Variants in ATG4B observed in about 807,000 individuals in gnomAD.
ATG4B encodes cysteine protease ATG4B.
In ATG4B, 29 loss-of-function variants were observed where a neutral mutation model predicts 56.6. That is an observed-to-expected ratio of 0.51 (90% CI 0.38 to 0.70). The LOEUF is 0.70. Among genes scored for constraint, ATG4B ranks in the 30% least tolerant of loss-of-function variants. ATG4B has a pLI of 0.00. For missense variants in ATG4B, 461 were observed against 515.5 expected (o/e 0.89, Z 1.02); for synonymous variants, 224 against 206.1 (o/e 1.09, Z -0.74).
intron 6 of ATG4B, among the ~76,000 whole-genome samples, chr2:241,658,435 C>T (rs1575076164): frequency 6.6e-6 from 1 of 152,146 alleles, no homozygotes; most frequent in Admixed American, 6.5e-5. Flanking sequence ...CTCCACAGGT[C>T]TTGCATTCTG....
At chr2:241,650,117 G>A (rs1298754035) in intron 1 of ATG4B, among the ~76,000 whole-genome samples, 1 of 152,140 alleles carries the variant, frequency 6.6e-6, no homozygotes, top group East Asian at 1.9e-4. Flanking sequence ...AGAGTAAGAT[G>A]GCATGCAGGG....
intron 4 of ATG4B, among the ~76,000 whole-genome samples, chr2:241,653,960 C>T (rs1372936038): frequency 5.7e-5 from 8 of 140,752 alleles, no homozygotes; most frequent in Non-Finnish European, 1.2e-4. Context: ...CACTGCGCTC[C>T]AGCCTCTGCA....
Position 241,668,861 on chromosome 2 carries a change from C to A in ATG4B, c.957+176C>A, listed in dbSNP as rs562585104. The A allele has an allele frequency of 2.3e-6, 2 of 887,570 alleles. No homozygotes were observed. The highest frequency in any genetic ancestry group is 2.7e-5 in the East Asian group (1 of 36,882). The allele number at this position is 887,570 out of a possible 1,614,324, so 55.0% of individuals were successfully genotyped here. Reference sequence around the variant, plus strand: ...CCGGAACTGTGTCCTTGCACCCTCACGTCCCTCCCCCAGGCACCACCTCCT... The same window carrying A: ...CCGGAACTGTGTCCTTGCACCCTCAAGTCCCTCCCCCAGGCACCACCTCCT... On this transcript the variant is annotated intron_variant, in intron 10 of 12. Transcript: ENST00000404914. This position sits in a 1 kb window ranked among gnomAD's most constrained non-coding sequence, Gnocchi z 4.2.
chr2:241,652,106 C>A, intron 3 of ATG4B: 1 of 475,618 alleles, frequency 2.1e-6, no homozygotes, highest in Admixed American at 3.1e-5. Context: ...CATTGGAGAA[C>A]ACTGACGCGT....
At position 241,657,644 on chromosome 2, in the gene ATG4B, C is replaced by A. The variant is rs112459348; in HGVS notation, c.459-1464C>A. 2.0e-3 allele frequency among the ~76,000 whole-genome samples: 308 copies of A among 152,104 alleles called. 1 individual carries two copies. The East Asian group carries it at 0.027, about 13-fold the overall frequency. ...AGTGGGCCCATTCAAAATATCAATT[C>A]CTCTTTCTTTCAGTGGGCCCATTCA... On this transcript the variant is annotated intron_variant, in intron 6 of 12. Coordinates refer to ENST00000404914, the MANE Select transcript of ATG4B (RefSeq NM_013325.5).
At chr2:241,654,419 TAAAAAAA>T (rs201525288) in intron 4 of ATG4B, 120 bp from the exon 5 acceptor site, 7,716 of 438,624 alleles carry the variant, frequency 0.018, 243 homozygotes, top group African/African-American at 0.13. Flanking sequence ...AGACTCTGTT[TAAAAAAA>T]AAAAAAAAAA....
At chr2:241,670,074 G>A (rs897278748) in intron 10 of ATG4B, among the ~76,000 whole-genome samples, 32 of 152,222 alleles carry the variant, frequency 2.1e-4, no homozygotes, top group African/African-American at 7.2e-4. Flanking sequence ...CTACACCAGC[G>A]CCGAGGCGGC....
At chr2:241,648,594 CAAAA>C (rs35764376) in intron 1 of ATG4B, among the ~76,000 whole-genome samples, 1 of 135,456 alleles carries the variant, frequency 7.4e-6, no homozygotes. Flanking sequence ...GTCCCGGTCT[CAAAA>C]AAAAAAAAGA....
Position 241,668,758 on chromosome 2 carries a change from G to C in ATG4B, c.957+73G>C. ...TTTGGGAATGACGAGGAAAACTTTC[G>C]GATTTTTGCGTTTTTTTTTTCAGCA... is the stretch of plus-strand genomic sequence containing the variant. On this transcript the variant is annotated intron_variant, in intron 10 of 12. Transcript: ENST00000404914. The surrounding 1 kb of genome is among the most constrained non-coding windows in gnomAD (Gnocchi z 4.2). 8.0e-6 allele frequency: 12 copies of C among 1,505,290 alleles called. No homozygotes were observed. Among genetic ancestry groups the C allele is most frequent in the Non-Finnish European group, 9.7e-6 (11 of 1,136,068 alleles). The allele number at this position is 1,505,290 out of a possible 1,614,324, so 93.2% of individuals were successfully genotyped here.
At chr2:241,659,468 T>C (rs1385031187) in intron 7 of ATG4B, 2 of 485,330 alleles carry the variant, frequency 4.1e-6, no homozygotes, top group Non-Finnish European at 8.2e-6. Flanking sequence ...ATGAAGGCCC[T>C]GCTGTGCTTA....
At chr2:241,667,397 A>T (rs1206963414) in intron 8 of ATG4B, among the ~76,000 whole-genome samples, 2 of 151,990 alleles carry the variant, frequency 1.3e-5, no homozygotes, top group East Asian at 1.9e-4. Context: ...CGAGGTCAGG[A>T]GTCTGAGACC....
chr2:241,666,314 C>T (rs1364034628), intron 7 of ATG4B, among the ~76,000 whole-genome samples: 1 of 152,234 alleles, frequency 6.6e-6, no homozygotes. Context: ...GCTGTGCTGG[C>T]ACTAGCCAGG....
At chr2:241,647,480 G>T (rs997219810) in intron 1 of ATG4B, among the ~76,000 whole-genome samples, 1 of 151,972 alleles carries the variant, frequency 6.6e-6, no homozygotes, top group Admixed American at 6.6e-5. Context: ...AATTAGCCAG[G>T]CGTGGTGGCG....
intron 7 of ATG4B, among the ~76,000 whole-genome samples, chr2:241,660,799 C>G (rs1343680104): frequency 6.6e-6 from 1 of 152,168 alleles, no homozygotes; most frequent in Non-Finnish European, 1.5e-5. Flanking sequence ...GTTCCCTGTT[C>G]ACTGCCCCAT....
At position 241,666,704 on chromosome 2, in the gene ATG4B, G is replaced by T. The variant is rs199556345; in HGVS notation, c.598G>T (p.Asp200Tyr). The stretch of plus-strand genomic sequence containing the variant: ...CGCCACTGCGTTTCCTGCAGATTCC[G>T]ACCGGCACTGCAACGGATTCCCTGC... ...AGATAFPADS[D>Y]RHCNGFPAGA... Residue 200 changes from aspartate (D) to tyrosine (Y), a missense_variant, in exon 8 of 13, where the codon GAC becomes TAC. Asp to Tyr is a radical substitution (Grantham distance 160). Coordinates refer to ENST00000404914, the MANE Select transcript of ATG4B (RefSeq NM_013325.5). 1 of 1,612,922 alleles carries T rather than the reference G, an allele frequency of 6.2e-7. No individual in the cohort carries two copies. The highest frequency in any genetic ancestry group is 8.5e-7 in the Non-Finnish European group (1 of 1,179,572).
At chr2:241,671,995 C>T (rs1380478981) in intron 12 of ATG4B, 196 bp from the exon 13 acceptor site, 15 of 1,423,034 alleles carry the variant, frequency 1.1e-5, no homozygotes, top group Non-Finnish European at 1.3e-5. Context: ...TCACCCTGCC[C>T]TGCTCCTCTT....
Position 241,659,415 on chromosome 2 carries a change from TG to T in ATG4B, c.538+230del, listed in dbSNP as rs1223278673. 2.1e-5 allele frequency: 13 copies of T among 619,672 alleles called. No homozygotes were observed. In the East Asian group the frequency reaches 4.0e-4, roughly 19 times the overall value. The allele number at this position is 619,672 out of a possible 1,614,324, so 38.4% of individuals were successfully genotyped here. The stretch of plus-strand genomic sequence containing the variant: ...CCCAGGCTGTCTGGAGGCCGCGACT[TG>T]GTATCTCACGTCGTGTTTTGTGTCT... On this transcript the variant is annotated intron_variant, in intron 7 of 12. Coordinates refer to ENST00000404914, the MANE Select transcript of ATG4B (RefSeq NM_013325.5).
At chr2:241,653,075 G>A (rs907708447) in intron 3 of ATG4B, among the ~76,000 whole-genome samples, 5 of 152,262 alleles carry the variant, frequency 3.3e-5, no homozygotes, top group African/African-American at 1.2e-4. Flanking sequence ...CAGGGCCCAG[G>A]CACCTGTGCT....
chr2:241,656,582 G>A (rs546201312), intron 6 of ATG4B, among the ~76,000 whole-genome samples: 76 of 152,204 alleles, frequency 5.0e-4, no homozygotes, highest in Non-Finnish European at 6.5e-4. Context: ...ACCAGCCCCC[G>A]CCCCTGTTGC....
Sources: gnomAD v4.1 joint callset for allele counts (sites outside exome capture counted in the v4.1 genomes callset) on GRCh38, gnomAD v4.1.1 for gene constraint, Gnocchi (gnomAD v3.1) non-coding constraint, MANE v1.5 for transcripts, NCBI Gene and HGNC (gene_info 2026-07-23, HGNC 2026-07-21) for gene names.